The following PRR16 variants were observed in gnomAD, a reference collection of about 807,000 sequenced individuals.
PRR16 encodes proline rich 16.
Under a neutral mutation model 18.2 loss-of-function variants are expected in PRR16, and 6 were observed. The observed-to-expected ratio is 0.33, with a 90% CI of 0.18 to 0.65. The LOEUF (loss-of-function observed/expected upper bound fraction) is 0.65. Ranked by LOEUF, PRR16 falls within the 30% of genes least tolerant of loss-of-function variation. The pLI, the probability that PRR16 is intolerant of heterozygous loss-of-function variation, is 0.74. For synonymous variants in PRR16, 151 were observed against 147.8 expected, an observed-to-expected ratio of 1.02 and a Z score of -0.16; for missense variants, 412 against 376.6, an observed-to-expected ratio of 1.09 and a Z score of -0.78.
chr5:120,641,802 A>AT (rs747863116), intron 1 of PRR16, among the ~76,000 whole-genome samples: 21 of 152,220 alleles, frequency 1.4e-4, no homozygotes, highest in East Asian at 1.2e-3. Flanking sequence ...GAATCTGCAG[A>AT]TTAGTTTTCA....
intron 1 of PRR16, among the ~76,000 whole-genome samples, chr5:120,594,863 TC>T (rs543042745): frequency 1.3e-5 from 2 of 151,782 alleles, no homozygotes; most frequent in Non-Finnish European, 2.9e-5. Flanking sequence ...GGGAAAGGAC[TC>T]CCTATTCAAT....
chr5:120,747,357 A>G, the PRR16 span, among the ~76,000 whole-genome samples: 3 of 152,182 alleles, frequency 2.0e-5, no homozygotes, highest in Non-Finnish European at 2.9e-5. Context: ...ATGTAAATTA[A>G]GCACACCAAC....
At chr5:120,746,953 T>TA in the PRR16 span, among the ~76,000 whole-genome samples, 12 of 152,154 alleles carry the variant, frequency 7.9e-5, no homozygotes, top group African/African-American at 2.9e-4. Context: ...TTCGAAGGAA[T>TA]AAAAAGCAAG....
chr5:120,587,374 C>T (rs755172394), intron 1 of PRR16, among the ~76,000 whole-genome samples: 37 of 152,052 alleles, frequency 2.4e-4, no homozygotes, highest in Non-Finnish European at 1.8e-4. Flanking sequence ...AAGAAGATGC[C>T]ACCTAGGACT....
intron 1 of PRR16, among the ~76,000 whole-genome samples, chr5:120,522,330 C>T (rs1751210348): frequency 6.6e-6 from 1 of 152,116 alleles, no homozygotes; most frequent in Non-Finnish European, 1.5e-5. Context: ...CTCTCCAGCA[C>T]CTGTTGTTTC....
the PRR16 span, among the ~76,000 whole-genome samples, chr5:120,733,687 T>A: frequency 2.6e-5 from 4 of 152,186 alleles, no homozygotes; most frequent in Non-Finnish European, 5.9e-5. Flanking sequence ...GTTTTCAAAC[T>A]GTAATTAATA....
the PRR16 span, among the ~76,000 whole-genome samples, chr5:120,715,117 AGTC>A: frequency 1.0e-3 from 155 of 152,056 alleles, 1 homozygote; most frequent in African/African-American, 3.6e-3. Flanking sequence ...AAAAAAAAAA[AGTC>A]GTAGCCATAG....
the PRR16 span, among the ~76,000 whole-genome samples, chr5:120,768,054 T>C: frequency 1.3e-5 from 2 of 151,876 alleles, no homozygotes; most frequent in East Asian, 1.9e-4. Context: ...AGAAACCTCA[T>C]TGAAAGTTAA....
At chr5:120,666,897 C>T (rs1347466981) in intron 1 of PRR16, among the ~76,000 whole-genome samples, 4 of 146,096 alleles carry the variant, frequency 2.7e-5, no homozygotes, top group African/African-American at 7.7e-5. Context: ...CAATGTTCAT[C>T]AAGGATATTG....
intron 1 of PRR16, among the ~76,000 whole-genome samples, chr5:120,489,398 A>G (rs1561512531): frequency 6.6e-6 from 1 of 152,048 alleles, no homozygotes; most frequent in Non-Finnish European, 1.5e-5. Flanking sequence ...TCCCTTTACC[A>G]TTATGTAATG....
chr5:120,508,275 T>TA (rs1313889894), intron 1 of PRR16, among the ~76,000 whole-genome samples: 1 of 152,170 alleles, frequency 6.6e-6, no homozygotes. Context: ...CTGCAGTAGT[T>TA]ACTATACACT....
At chr5:120,754,429 A>ATATACTATATACTATATAT in the PRR16 span, among the ~76,000 whole-genome samples, 1 of 98,936 alleles carries the variant, frequency 1.0e-5, no homozygotes, top group East Asian at 2.8e-4. Context: ...ATTATATAAT[A>ATATACTATATACTATATAT]TATAGTATAT....
chr5:120,503,351 A>T (rs559988577), intron 1 of PRR16, among the ~76,000 whole-genome samples: 46 of 152,290 alleles, frequency 3.0e-4, no homozygotes, highest in South Asian at 1.7e-3. Context: ...ATTTCTGTAA[A>T]GTGCCCTAAT....
chr5:120,499,673 A>G (rs1400187136), intron 1 of PRR16, among the ~76,000 whole-genome samples: 1 of 151,440 alleles, frequency 6.6e-6, no homozygotes, highest in Admixed American at 6.6e-5. Flanking sequence ...TTGTTTCAAC[A>G]TGTTTATAAT....
the PRR16 span, among the ~76,000 whole-genome samples, chr5:120,746,875 G>C: frequency 6.6e-6 from 1 of 152,118 alleles, no homozygotes; most frequent in African/African-American, 2.4e-5. Context: ...TCTTCATCGG[G>C]AGTCACAGGA....
rs143189927 is a variant in PRR16 at position 120,584,446 on chromosome 5, G to A, written c.160-101508G>A. Among the ~76,000 whole-genome samples, 574 of 152,202 alleles carry A rather than the reference G, an allele frequency of 3.8e-3. 4 individuals carry two copies. Among genetic ancestry groups the A allele is most frequent in the South Asian group, 0.014 (65 of 4,804 alleles). On this transcript the variant is annotated intron_variant, in intron 1 of 1. Coordinates refer to ENST00000407149, the MANE Select transcript of PRR16 (RefSeq NM_001300783.2). Reference sequence around the variant, plus strand: ...TCTATGAAAATGAAAAGATACCACAGTTGATTAATAGACTAAACATTTAAT... The same window carrying A: ...TCTATGAAAATGAAAAGATACCACAATTGATTAATAGACTAAACATTTAAT...
At chr5:120,766,756 TAATGACCTTTGGACATATTGCTACA>T in the PRR16 span, among the ~76,000 whole-genome samples, 1 of 151,972 alleles carries the variant, frequency 6.6e-6, no homozygotes, top group African/African-American at 2.4e-5. Context: ...TGATAAAAAT[TAATGACCTTTGGACATATTGCTACA>T]AATTGACAAT....
At chr5:120,718,030 T>G in the PRR16 span, among the ~76,000 whole-genome samples, 11 of 152,162 alleles carry the variant, frequency 7.2e-5, no homozygotes, top group Non-Finnish European at 1.3e-4. Context: ...GCCTTGTGGA[T>G]TCAACCCATC....
rs566325796 is a variant in PRR16, at chr5:120,507,657, T to C, written c.159+43012T>C. 4.3e-4 allele frequency among the ~76,000 whole-genome samples: 66 copies of C among 152,238 alleles called. No homozygotes were observed. In the South Asian group the frequency reaches 0.013, roughly 31 times the overall value. ...TGTCATTGTTATGGTTTCATTTTGC[T>C]TTGTTTTATATTTTTTTAATTAAAA... On this transcript the variant is annotated intron_variant, in intron 1 of 1. Coordinates refer to ENST00000407149, the MANE Select transcript of PRR16 (RefSeq NM_001300783.2).
Sources: allele counts gnomAD v4.1 joint callset (sites outside exome capture counted in the v4.1 genomes callset), GRCh38; gene constraint gnomAD v4.1.1; transcripts MANE v1.5; gene names NCBI Gene and HGNC (gene_info 2026-07-23, HGNC 2026-07-21).